LY96: variants seen among roughly 807,000 people sequenced by gnomAD.
The protein encoded by LY96 is lymphocyte antigen 96.
Under a neutral mutation model 18.9 loss-of-function variants are expected in LY96, and 18 were observed. The ratio of observed to expected loss-of-function variants is 0.95; its 90% CI spans 0.66 to 1.41. The LOEUF (loss-of-function observed/expected upper bound fraction) is 1.41. Among genes scored for constraint, LY96 ranks in the 40% most tolerant of loss-of-function variants. LY96 has a pLI of 0.00. For synonymous variants in LY96, 66 were observed against 62.6 expected (o/e 1.06, Z -0.26); for missense variants, 175 against 182.4 (o/e 0.96, Z 0.23).
chr8:74,029,810 C>T (rs1290743806), downstream of LY96, among the ~76,000 whole-genome samples: 1 of 152,174 alleles, frequency 6.6e-6, no homozygotes, highest in African/African-American at 2.4e-5. Flanking sequence ...CAGGCACCTG[C>T]CATCACACCT....
At chr8:74,058,297 T>A in the LY96 span, among the ~76,000 whole-genome samples, 1 of 152,222 alleles carries the variant, frequency 6.6e-6, no homozygotes, top group African/African-American at 2.4e-5. Flanking sequence ...TTAATTATAT[T>A]AAGCTGATCC....
chr8:73,997,675 A>T (rs1816179316), intron 1 of LY96, among the ~76,000 whole-genome samples: 1 of 152,192 alleles, frequency 6.6e-6, no homozygotes, highest in Non-Finnish European at 1.5e-5. Context: ...CCCTAGGCTG[A>T]CACCTGTGGT....
chr8:74,063,897 G>A, the LY96 span, among the ~76,000 whole-genome samples: 5 of 152,068 alleles, frequency 3.3e-5, no homozygotes, highest in African/African-American at 1.2e-4. Flanking sequence ...TAGATTGACT[G>A]TAAATATTGG....
At chr8:74,096,525 T>C in the LY96 span, among the ~76,000 whole-genome samples, 1 of 152,194 alleles carries the variant, frequency 6.6e-6, no homozygotes, top group East Asian at 1.9e-4. Context: ...GAGGTCACCT[T>C]GACAACCCTA....
chr8:74,066,858 C>T, the LY96 span, among the ~76,000 whole-genome samples: 23 of 152,096 alleles, frequency 1.5e-4, no homozygotes, highest in Admixed American at 1.1e-3. Flanking sequence ...TTTGGGAGTG[C>T]GCAGGGGATT....
At chr8:74,056,377 C>T in the LY96 span, 2 of 326,100 alleles carry the variant, frequency 6.1e-6, no homozygotes, top group Non-Finnish European at 1.2e-5. Flanking sequence ...ATCATGATCC[C>T]AGAGGTGCAG....
the LY96 span, among the ~76,000 whole-genome samples, chr8:74,048,263 A>ATT: frequency 9.1e-4 from 129 of 142,476 alleles, no homozygotes; most frequent in African/African-American, 2.1e-3. Flanking sequence ...GTTTAGTTCT[A>ATT]TTTTTTTTTT....
the LY96 span, among the ~76,000 whole-genome samples, chr8:74,072,863 G>A: frequency 6.6e-6 from 1 of 152,210 alleles, no homozygotes; most frequent in Non-Finnish European, 1.5e-5. Flanking sequence ...TCAGAGGTGA[G>A]CATGCGGGTG....
chr8:74,032,538 G>A (rs1167345985), downstream of LY96, among the ~76,000 whole-genome samples: 5 of 152,088 alleles, frequency 3.3e-5, no homozygotes, highest in Non-Finnish European at 5.9e-5. Flanking sequence ...CCTCTTACGC[G>A]GACCCCCTTA....
chr8:74,015,155 C>T (rs111931925), intron 3 of LY96, among the ~76,000 whole-genome samples: 6,342 of 151,856 alleles, frequency 0.042, 153 homozygotes, highest in Middle Eastern at 0.061. Flanking sequence ...TGCAGTGAGC[C>T]GTGATTGCAC....
At chr8:74,004,224 A>G (rs1289026612) in intron 1 of LY96, among the ~76,000 whole-genome samples, 1 of 152,216 alleles carries the variant, frequency 6.6e-6, no homozygotes, top group Non-Finnish European at 1.5e-5. Flanking sequence ...AGCAGAGGGG[A>G]GGATTAATGA....
At chr8:74,049,428 A>T in the LY96 span, among the ~76,000 whole-genome samples, 4 of 152,182 alleles carry the variant, frequency 2.6e-5, no homozygotes, top group African/African-American at 7.2e-5. Context: ...GGTGATACAC[A>T]TTTTCACGTC....
At chr8:73,996,372 C>CATTCCTTTCTTTCTTTCTTT (rs756373007) in intron 1 of LY96, among the ~76,000 whole-genome samples, 6 of 111,004 alleles carry the variant, frequency 5.4e-5, no homozygotes, top group African/African-American at 1.4e-4. Flanking sequence ...TTCCTTCATT[C>CATTCCTTTCTTTCTTTCTTT]CTTTCTTTCT....
At chr8:74,016,294 G>A (rs1389574676) in intron 3 of LY96, among the ~76,000 whole-genome samples, 1 of 152,260 alleles carries the variant, frequency 6.6e-6, no homozygotes, top group Non-Finnish European at 1.5e-5. Context: ...CTGCAAGGCA[G>A]CAGCCTGGCT....
downstream of LY96, among the ~76,000 whole-genome samples, chr8:74,033,081 G>A (rs1402532939): frequency 6.6e-6 from 1 of 152,122 alleles, no homozygotes; most frequent in African/African-American, 2.4e-5. Context: ...GGCACCCTGG[G>A]TGACATTACT....
chr8:74,005,181 C>A (rs943075228), intron 2 of LY96, among the ~76,000 whole-genome samples: 1 of 152,198 alleles, frequency 6.6e-6, no homozygotes, highest in Non-Finnish European at 1.5e-5. Context: ...TCTAAGCTCA[C>A]GTAGCTGTTG....
At chr8:74,055,371 G>A in the LY96 span, among the ~76,000 whole-genome samples, 4 of 152,300 alleles carry the variant, frequency 2.6e-5, 1 homozygote, top group South Asian at 8.3e-4. Context: ...ACTAGTGCTA[G>A]TTAAAAATTT....
the LY96 span, among the ~76,000 whole-genome samples, chr8:74,055,079 T>C: frequency 3.3e-5 from 5 of 151,978 alleles, no homozygotes; most frequent in South Asian, 8.3e-4. Flanking sequence ...GGCTAATTTT[T>C]CTACTTTGTC....
At chr8:74,028,761 A>T (rs1329789737) in intron 4 of LY96, among the ~76,000 whole-genome samples, 195 bp from the exon 5 acceptor site, 1 of 152,204 alleles carries the variant, frequency 6.6e-6, no homozygotes, top group African/African-American at 2.4e-5. Context: ...AAAATAACAT[A>T]ATCTTATAAT....
Sources: gnomAD v4.1 joint callset for allele counts (sites outside exome capture counted in the v4.1 genomes callset) on GRCh38, gnomAD v4.1.1 for gene constraint, MANE v1.5 for transcripts, NCBI Gene and HGNC (gene_info 2026-07-23, HGNC 2026-07-21) for gene names.